The following INPP4B variants were observed in gnomAD, a reference collection of about 807,000 sequenced individuals.
INPP4B encodes inositol polyphosphate 4-phosphatase type II.
Under a neutral mutation model 122.5 loss-of-function variants are expected in INPP4B, and 55 were observed. That is an observed-to-expected ratio of 0.45 (90% CI 0.36 to 0.56). The LOEUF (loss-of-function observed/expected upper bound fraction) is 0.56. Among genes scored for constraint, INPP4B ranks in the 20% least tolerant of loss-of-function variants. The pLI is 0.00. For synonymous variants in INPP4B, 403 were observed against 388.7 expected (o/e 1.04, Z -0.43); for missense variants, 1,000 against 1,097.7 (o/e 0.91, Z 1.26).
At chr4:142,451,293 C>T (rs1363748999) in intron 3 of INPP4B, among the ~76,000 whole-genome samples, 1 of 146,688 alleles carries the variant, frequency 6.8e-6, no homozygotes, top group Non-Finnish European at 1.5e-5. Context: ...CTCTGTCTCC[C>T]AGGCTGTAGT....
intron 1 of INPP4B, among the ~76,000 whole-genome samples, chr4:142,775,237 G>A (rs1380128851): frequency 6.6e-6 from 1 of 151,144 alleles, no homozygotes; most frequent in Non-Finnish European, 1.5e-5. Context: ...CCTTTGTAAA[G>A]TTACTCTCCT....
chr4:142,642,145 T>G (rs1750648179), intron 2 of INPP4B, among the ~76,000 whole-genome samples: 1 of 152,344 alleles, frequency 6.6e-6, no homozygotes, highest in African/African-American at 2.4e-5. Context: ...TTGTTTGAGT[T>G]CTTTGTAGAT....
At chr4:142,646,791 G>A (rs1751881555) in intron 2 of INPP4B, among the ~76,000 whole-genome samples, 3 of 152,190 alleles carry the variant, frequency 2.0e-5, no homozygotes, top group African/African-American at 7.2e-5. Context: ...ATTGAAACCA[G>A]GACAGAGTGC....
rs544264016 is a variant in INPP4B, at chr4:142,465,533, T to C, written c.-190-2807A>G. ...TGAACATTATTGTTTAGAATTAAAA[T>C]GCAGAATATTCCAAAAAAATTGAGG... On this transcript the variant is annotated intron_variant, in intron 2 of 25. Transcript: ENST00000262992. Among the ~76,000 whole-genome samples the C allele has an allele frequency of 8.6e-4, 131 of 152,368 alleles. 4 individuals are homozygous for C. In the South Asian group the frequency reaches 0.026, roughly 30 times the overall value.
intron 2 of INPP4B, among the ~76,000 whole-genome samples, chr4:142,652,198 C>G (rs915432118): frequency 6.6e-6 from 1 of 152,134 alleles, no homozygotes; most frequent in Non-Finnish European, 1.5e-5. Context: ...TCTCAATAAA[C>G]TAGGTATTGA....
rs1327609592 is a variant in INPP4B at position 142,422,925 on chromosome 4, T to A, written c.136+6248A>T. Among the ~76,000 whole-genome samples, 3 of 152,094 alleles carry A rather than the reference T, an allele frequency of 2.0e-5. 1 individual carries two copies. Among genetic ancestry groups the A allele is most frequent in the Admixed American group, 2.0e-4 (3 of 15,254 alleles). ...AAGGCAAGCACAGGCCTTGTTTAAT[T>A]CTTAGCCGTTGGTTCTCTTATTGCA... On this transcript the variant is annotated intron_variant, in intron 5 of 25. Transcript: ENST00000262992.
chr4:142,182,571 A>AG (rs1831380746), intron 15 of INPP4B, among the ~76,000 whole-genome samples: 1 of 146,010 alleles, frequency 6.8e-6, no homozygotes, highest in Non-Finnish European at 1.5e-5. Flanking sequence ...AAACAAAAAA[A>AG]AGATTCTTAA....
intron 25 of INPP4B, among the ~76,000 whole-genome samples, chr4:142,047,912 T>C (rs1426220896): frequency 6.6e-6 from 1 of 152,116 alleles, no homozygotes. Context: ...CACCAACTTA[T>C]AAGCCACTAA....
chr4:142,455,492 T>C (rs2149539794), intron 3 of INPP4B, among the ~76,000 whole-genome samples: 1 of 152,164 alleles, frequency 6.6e-6, no homozygotes, highest in South Asian at 2.1e-4. Context: ...TGAGTGGATC[T>C]CATTCTTTTT....
Position 142,255,060 on chromosome 4 carries a change from A to G in INPP4B, c.688+5432T>C, listed in dbSNP as rs557534577. 4.8e-3 allele frequency among the ~76,000 whole-genome samples: 728 copies of G among 150,744 alleles called. 4 individuals are homozygous for G. Among genetic ancestry groups the G allele is most frequent in the Non-Finnish European group, 8.2e-3 (558 of 67,974 alleles). Reference sequence around the variant, plus strand: ...GTGGGGGCCAATATTCAACATTCTTAAAGAAAAGAATTTTCAACCCAGAAT... The same window carrying G: ...GTGGGGGCCAATATTCAACATTCTTGAAGAAAAGAATTTTCAACCCAGAAT... On this transcript the variant is annotated intron_variant, in intron 11 of 25. Coordinates refer to ENST00000262992, the MANE Select transcript of INPP4B (RefSeq NM_001101669.3).
At chr4:142,189,423 A>T (rs1041039209) in intron 15 of INPP4B, among the ~76,000 whole-genome samples, 4 of 152,182 alleles carry the variant, frequency 2.6e-5, no homozygotes, top group African/African-American at 9.7e-5. Flanking sequence ...TCCATCTCTT[A>T]TTCAAGAAAA....
At chr4:142,743,085 A>T (rs2150924111) in intron 1 of INPP4B, among the ~76,000 whole-genome samples, 1 of 152,136 alleles carries the variant, frequency 6.6e-6, no homozygotes, top group African/African-American at 2.4e-5. Flanking sequence ...TCTGGCTATA[A>T]TGGAGTAACT....
At chr4:142,796,229 A>G (rs1207907930) in intron 1 of INPP4B, among the ~76,000 whole-genome samples, 1 of 152,014 alleles carries the variant, frequency 6.6e-6, no homozygotes, top group Non-Finnish European at 1.5e-5. Flanking sequence ...GGAGAAGTAA[A>G]CAGACTTGGA....
intron 2 of INPP4B, chr4:142,514,462 T>C (rs566301164): frequency 3.9e-5 from 6 of 152,348 alleles, no homozygotes; most frequent in Admixed American, 2.0e-4. Flanking sequence ...ATGTTTACCA[T>C]AAATTTACTA....
chr4:142,034,527 A>T (rs1742604882), intron 25 of INPP4B, among the ~76,000 whole-genome samples: 1 of 151,852 alleles, frequency 6.6e-6, no homozygotes, highest in South Asian at 2.1e-4. Context: ...AACCCCCATA[A>T]ACAATGCCCA....
intron 18 of INPP4B, among the ~76,000 whole-genome samples, chr4:142,136,111 A>T (rs1045757278): frequency 6.6e-6 from 1 of 150,482 alleles, no homozygotes; most frequent in Non-Finnish European, 1.5e-5. Flanking sequence ...CTTTTTATTT[A>T]CTCTTTTTTG....
At chr4:142,449,161 T>C (rs1813588627) in intron 3 of INPP4B, among the ~76,000 whole-genome samples, 1 of 152,174 alleles carries the variant, frequency 6.6e-6, no homozygotes, top group South Asian at 2.1e-4. Context: ...CAAAATATCC[T>C]GAAGGCAACC....
chr4:142,323,497 G>A (rs913840747), intron 7 of INPP4B, among the ~76,000 whole-genome samples: 3 of 146,386 alleles, frequency 2.0e-5, no homozygotes, highest in Non-Finnish European at 3.0e-5. Context: ...CCAGGCTGGA[G>A]TGCAGTGGCA....
intron 23 of INPP4B, among the ~76,000 whole-genome samples, chr4:142,103,167 T>A (rs1785296249): frequency 6.6e-6 from 1 of 152,058 alleles, no homozygotes; most frequent in African/African-American, 2.4e-5. Context: ...TCATCCTCAT[T>A]CTTCTTTCAT....
Sources: allele counts gnomAD v4.1 joint callset (sites outside exome capture counted in the v4.1 genomes callset), GRCh38; gene constraint gnomAD v4.1.1; transcripts MANE v1.5; gene names NCBI Gene and HGNC (gene_info 2026-07-23, HGNC 2026-07-21).